The following ZFAND3 variants were observed in gnomAD, a reference collection of about 807,000 sequenced individuals.
ZFAND3 encodes zinc finger AN1-type containing 3.
ZFAND3 carries 10 observed loss-of-function variants against 29.6 expected under a neutral mutation model. The ratio of observed to expected loss-of-function variants is 0.34; its 90% CI spans 0.21 to 0.57. The LOEUF (loss-of-function observed/expected upper bound fraction) is 0.57. Ranked by LOEUF, ZFAND3 falls within the 20% of genes least tolerant of loss-of-function variation. ZFAND3 has a pLI of 0.86. For synonymous variants in ZFAND3, 128 were observed against 112.6 expected, an observed-to-expected ratio of 1.14 and a Z score of -0.87; for missense variants, 230 against 304.5, an observed-to-expected ratio of 0.76 and a Z score of 1.82.
rs537647747 is a variant in ZFAND3 at position 37,917,048 on chromosome 6, A to G, written c.72-12911A>G. Among the ~76,000 whole-genome samples, 102 of 152,324 alleles carry G rather than the reference A, an allele frequency of 6.7e-4. 4 individuals carry two copies. The South Asian group carries it at 0.02, about 29-fold the overall frequency. On this transcript the variant is annotated intron_variant, in intron 1 of 5. Transcript: ENST00000287218. The stretch of plus-strand genomic sequence containing the variant: ...AAAGCACAAACATAGTGATGCTGAC[A>G]TAGTGTTAAAATTGTTCTGTTAATT...
chr6:38,133,525 G>A (rs1279601362), intron 5 of ZFAND3, among the ~76,000 whole-genome samples: 4 of 152,056 alleles, frequency 2.6e-5, no homozygotes, highest in South Asian at 4.1e-4. Flanking sequence ...CGAGGCGGGC[G>A]GATCATGAGG....
intron 2 of ZFAND3, among the ~76,000 whole-genome samples, chr6:38,049,335 A>C (rs1039246926): frequency 3.3e-5 from 5 of 152,218 alleles, no homozygotes; most frequent in African/African-American, 1.2e-4. Flanking sequence ...GCACCGTTCT[A>C]AGACTTCCAC....
intron 5 of ZFAND3, among the ~76,000 whole-genome samples, chr6:38,132,016 T>TC (rs1251856289): frequency 2.6e-5 from 4 of 152,054 alleles, no homozygotes; most frequent in East Asian, 1.9e-4. Flanking sequence ...ATAGAGTGTT[T>TC]CCCCCCCACC....
intron 2 of ZFAND3, among the ~76,000 whole-genome samples, chr6:38,031,833 T>TC (rs544751768): frequency 0.012 from 1,394 of 119,496 alleles, 13 homozygotes; most frequent in South Asian, 0.021. Context: ...ATTCTGCCCC[T>TC]CCCCCCCCGC....
intron 1 of ZFAND3, among the ~76,000 whole-genome samples, chr6:37,904,780 C>T (rs1765379430): frequency 6.6e-6 from 1 of 152,126 alleles, no homozygotes; most frequent in Non-Finnish European, 1.5e-5. Flanking sequence ...GTGTCTTATT[C>T]TTGGCTATAT....
Position 37,840,590 on chromosome 6 carries a change from A to T in ZFAND3, c.71+20574A>T, listed in dbSNP as rs76110361. Among the ~76,000 whole-genome samples the T allele has an allele frequency of 0.016, 2,403 of 152,108 alleles. 246 individuals carry two copies. In the East Asian group the frequency reaches 0.28, roughly 18 times the overall value. Reference sequence around the variant, plus strand: ...ATCAGCTTGTCAGCTTGTCAGCTTGATCAGCTTGTCAGCTTCTGCAAAAAA... The same window carrying T: ...ATCAGCTTGTCAGCTTGTCAGCTTGTTCAGCTTGTCAGCTTCTGCAAAAAA... On this transcript the variant is annotated intron_variant, in intron 1 of 5. Transcript: ENST00000287218.
intron 2 of ZFAND3, among the ~76,000 whole-genome samples, chr6:37,958,453 CAAAAAAA>C (rs11356169): frequency 8.7e-6 from 1 of 114,748 alleles, no homozygotes; most frequent in Non-Finnish European, 1.9e-5. Flanking sequence ...GACTCGGTCT[CAAAAAAA>C]AAAAAAAAAA....
At chr6:38,113,579 C>G (rs1765360234) in intron 4 of ZFAND3, among the ~76,000 whole-genome samples, 3 of 152,134 alleles carry the variant, frequency 2.0e-5, no homozygotes, top group Admixed American at 6.5e-5. Context: ...CTGCACAGGC[C>G]TCCTAACTTT....
At chr6:38,094,156 AC>A (rs554063191) in intron 4 of ZFAND3, among the ~76,000 whole-genome samples, 214 of 152,254 alleles carry the variant, frequency 1.4e-3, no homozygotes, top group Non-Finnish European at 2.7e-3. Context: ...AAAAAATAAT[AC>A]CATAAGTTGT....
chr6:38,104,519 G>GT (rs1477971624), intron 4 of ZFAND3, among the ~76,000 whole-genome samples: 3 of 152,002 alleles, frequency 2.0e-5, no homozygotes, highest in Non-Finnish European at 4.4e-5. Flanking sequence ...TAACATGCAA[G>GT]TATCTAAATC....
At chr6:37,970,162 T>C (rs1762361254) in intron 2 of ZFAND3, among the ~76,000 whole-genome samples, 1 of 151,928 alleles carries the variant, frequency 6.6e-6, no homozygotes, top group African/African-American at 2.4e-5. Flanking sequence ...ATAAAAATAA[T>C]TTAGTATCAT....
At chr6:38,064,011 T>C (rs1046504492) in intron 3 of ZFAND3, among the ~76,000 whole-genome samples, 1 of 152,152 alleles carries the variant, frequency 6.6e-6, no homozygotes, top group Admixed American at 6.5e-5. Flanking sequence ...TTTTGTTTTG[T>C]TTTAAAAAAT....
At chr6:38,015,249 A>G (rs1266745537) in intron 2 of ZFAND3, among the ~76,000 whole-genome samples, 1 of 152,196 alleles carries the variant, frequency 6.6e-6, no homozygotes, top group African/African-American at 2.4e-5. Context: ...CTCATTACTA[A>G]TCAGAGAAAT....
intron 5 of ZFAND3, among the ~76,000 whole-genome samples, chr6:38,132,090 T>C (rs1765753104): frequency 6.6e-6 from 1 of 152,238 alleles, no homozygotes; most frequent in South Asian, 2.1e-4. Context: ...GATAGGGTAG[T>C]GTCCTTGCTT....
At chr6:38,060,572 C>T (rs1402119018) in intron 2 of ZFAND3, among the ~76,000 whole-genome samples, 1 of 151,350 alleles carries the variant, frequency 6.6e-6, no homozygotes, top group African/African-American at 2.4e-5. Context: ...TCAAGAGATA[C>T]TCCCAAGTAG....
intron 5 of ZFAND3, among the ~76,000 whole-genome samples, chr6:38,117,256 C>CATTTT (rs1554182161): frequency 1.0e-5 from 1 of 96,352 alleles, no homozygotes; most frequent in African/African-American, 4.2e-5. Flanking sequence ...TTGAAATAGC[C>CATTTT]TTTTTTTTTT....
Position 38,154,204 on chromosome 6 carries a change from A to G in ZFAND3, c.*1815A>G, listed in dbSNP as rs1367534007. The G allele has an allele frequency of 1.1e-5, 11 of 985,572 alleles. No homozygotes were observed. Among genetic ancestry groups the G allele is most frequent in the Non-Finnish European group, 1.3e-5 (11 of 830,034 alleles). The allele number at this position is 985,572 out of a possible 1,614,324, so 61.1% of individuals were successfully genotyped here. A position where few individuals can be genotyped will look rare whatever the true frequency, so the allele number is the denominator to read the frequency against. ...GCCATCCTCAGTGAGGCAGCCCCCC[A>G]TAGGCTTCCGCCAAGCTCTGGTCCC... is the stretch of plus-strand genomic sequence containing the variant. On this transcript the variant is annotated 3_prime_UTR_variant, in exon 6 of 6. Coordinates refer to ENST00000287218, the MANE Select transcript of ZFAND3 (RefSeq NM_021943.3).
At chr6:37,998,653 G>T (rs1054339853) in intron 2 of ZFAND3, among the ~76,000 whole-genome samples, 1 of 152,088 alleles carries the variant, frequency 6.6e-6, no homozygotes, top group South Asian at 2.1e-4. Flanking sequence ...TGATGAAGTT[G>T]TTTTTCATGG....
intron 1 of ZFAND3, among the ~76,000 whole-genome samples, chr6:37,896,668 GTGTGTGTGTGTGTC>G (rs1561926121): frequency 7.5e-6 from 1 of 134,072 alleles, no homozygotes; most frequent in East Asian, 2.0e-4. Flanking sequence ...CTTCTGTTTT[GTGTGTGTGTGTGTC>G]TGTGTGTGTG....
Sources: allele counts gnomAD v4.1 joint callset (sites outside exome capture counted in the v4.1 genomes callset), GRCh38; gene constraint gnomAD v4.1.1; transcripts MANE v1.5; gene names NCBI Gene and HGNC (gene_info 2026-07-23, HGNC 2026-07-21).